Variants in AKAP19 observed in about 807,000 individuals in gnomAD.
The protein encoded by AKAP19 is small A-kinase anchoring protein.
the AKAP19 span, among the ~76,000 whole-genome samples, chr2:189,986,541 T>C: frequency 6.6e-5 from 10 of 152,148 alleles, no homozygotes; most frequent in Non-Finnish European, 1.5e-4. Flanking sequence ...TATAGGGGCA[T>C]TTGGCTTAGC....
the AKAP19 span, among the ~76,000 whole-genome samples, chr2:189,946,540 G>A: frequency 6.6e-6 from 1 of 152,052 alleles, no homozygotes; most frequent in African/African-American, 2.4e-5. Context: ...TTGGAACATT[G>A]TAGTACCAAA....
At chr2:189,926,951 A>G in the AKAP19 span, among the ~76,000 whole-genome samples, 1 of 152,002 alleles carries the variant, frequency 6.6e-6, no homozygotes, top group African/African-American at 2.4e-5. Context: ...TGGTGTGATC[A>G]TAGCTCACTG....
the AKAP19 span, among the ~76,000 whole-genome samples, chr2:190,152,388 A>G: frequency 6.6e-6 from 1 of 152,150 alleles, no homozygotes; most frequent in Non-Finnish European, 1.5e-5. Context: ...TATTTATTTA[A>G]AAGTCCATCT....
chr2:190,091,563 A>ACACACACACACACAG, the AKAP19 span, among the ~76,000 whole-genome samples: 1 of 10,066 alleles, frequency 9.9e-5, no homozygotes, highest in East Asian at 2.0e-3. Flanking sequence ...CACACACACA[A>ACACACACACACACAG]GTAGCCCAAA....
At chr2:189,903,408 T>C in the AKAP19 span, among the ~76,000 whole-genome samples, 1 of 152,092 alleles carries the variant, frequency 6.6e-6, no homozygotes, top group African/African-American at 2.4e-5. Context: ...ATAATGATGA[T>C]TCTTAGAACA....
the AKAP19 span, among the ~76,000 whole-genome samples, chr2:189,967,756 G>A: frequency 2.0e-5 from 3 of 151,364 alleles, no homozygotes; most frequent in Non-Finnish European, 4.4e-5. Flanking sequence ...CAATGGTATA[G>A]TGCACTATAA....
the AKAP19 span, among the ~76,000 whole-genome samples, chr2:190,180,066 G>A: frequency 6.6e-6 from 1 of 152,232 alleles, no homozygotes; most frequent in Non-Finnish European, 1.5e-5. This position sits in a 1 kb window ranked among gnomAD's most constrained non-coding sequence, Gnocchi z 6.8. Flanking sequence ...AGAGAAACAC[G>A]CTTGGAAAAT....
the AKAP19 span, among the ~76,000 whole-genome samples, chr2:189,963,485 G>A: frequency 4.0e-5 from 6 of 151,788 alleles, no homozygotes; most frequent in African/African-American, 1.2e-4. Flanking sequence ...ATGAGCCACC[G>A]CGCCCGGCCC....
At chr2:190,197,700 G>A in the AKAP19 span, among the ~76,000 whole-genome samples, 4 of 152,298 alleles carry the variant, frequency 2.6e-5, no homozygotes, top group Non-Finnish European at 4.4e-5. This position sits in a 1 kb window ranked among gnomAD's most constrained non-coding sequence, Gnocchi z 4.0. Flanking sequence ...ACAATCCAGT[G>A]TTGCTTGTTG....
chr2:190,074,698 A>G, the AKAP19 span, among the ~76,000 whole-genome samples: 1 of 152,054 alleles, frequency 6.6e-6, no homozygotes, highest in East Asian at 1.9e-4. Context: ...ATCAAATCAT[A>G]TAGGAAAACT....
the AKAP19 span, among the ~76,000 whole-genome samples, chr2:189,964,982 C>A: frequency 6.6e-6 from 1 of 152,208 alleles, no homozygotes; most frequent in Non-Finnish European, 1.5e-5. Context: ...AGGGGCCTAG[C>A]TTTTGGCCTG....
the AKAP19 span, among the ~76,000 whole-genome samples, chr2:190,063,003 A>T: frequency 6.6e-6 from 1 of 152,138 alleles, no homozygotes; most frequent in Non-Finnish European, 1.5e-5. Flanking sequence ...CTGTACTTAA[A>T]TCTTACTAAT....
At chr2:190,109,644 A>G in the AKAP19 span, among the ~76,000 whole-genome samples, 1 of 152,032 alleles carries the variant, frequency 6.6e-6, no homozygotes, top group Non-Finnish European at 1.5e-5. Context: ...GTGCAGAGAG[A>G]AGGAAATAAT....
the AKAP19 span, among the ~76,000 whole-genome samples, chr2:190,190,731 A>G: frequency 2.5e-3 from 378 of 152,290 alleles, no homozygotes; most frequent in African/African-American, 8.0e-3. Context: ...AATTTTAGCA[A>G]TCTTAGTGTG....
At chr2:189,972,459 A>G in the AKAP19 span, among the ~76,000 whole-genome samples, 2 of 152,232 alleles carry the variant, frequency 1.3e-5, no homozygotes, top group East Asian at 1.9e-4. Flanking sequence ...TGTCTTGGCA[A>G]TGCGGGCTCT....
chr2:189,931,945 T>A, the AKAP19 span, among the ~76,000 whole-genome samples: 151,549 of 152,322 alleles, frequency 0.99, 75,398 homozygotes, highest in East Asian at 1. Flanking sequence ...TGATTTACAG[T>A]CCTTATTTAA....
At chr2:190,165,968 G>C in the AKAP19 span, among the ~76,000 whole-genome samples, 1 of 152,084 alleles carries the variant, frequency 6.6e-6, no homozygotes, top group Non-Finnish European at 1.5e-5. Flanking sequence ...AAATATTTCA[G>C]AAAGAATGTC....
At chr2:190,038,920 TTC>T in the AKAP19 span, among the ~76,000 whole-genome samples, 1 of 129,616 alleles carries the variant, frequency 7.7e-6, no homozygotes, top group African/African-American at 3.5e-5. Flanking sequence ...CTTCTTCTTC[TTC>T]TTCTTCTTCT....
chr2:190,071,879 T>C, the AKAP19 span, among the ~76,000 whole-genome samples: 5 of 151,986 alleles, frequency 3.3e-5, no homozygotes, highest in African/African-American at 1.2e-4. Flanking sequence ...AGTCATGATA[T>C]TAGTCACAGG....
Sources: gnomAD v4.1 joint callset for allele counts (sites outside exome capture counted in the v4.1 genomes callset) on GRCh38, gnomAD v4.1.1 for gene constraint, Gnocchi (gnomAD v3.1) non-coding constraint, MANE v1.5 for transcripts, NCBI Gene and HGNC (gene_info 2026-07-23, HGNC 2026-07-21) for gene names.